NPHP4: variants seen among roughly 807,000 people sequenced by gnomAD.
The protein encoded by NPHP4 is nephrocystin-4.
NPHP4 carries 151 observed loss-of-function variants against 155.8 expected under a neutral mutation model. That is an observed-to-expected ratio of 0.97 (90% CI 0.85 to 1.11). The LOEUF (loss-of-function observed/expected upper bound fraction) is 1.11, where lower values mean the gene tolerates loss of function less well. Among genes scored for constraint, NPHP4 ranks in the 50% least tolerant of loss-of-function variants. The pLI is 0.00. For missense variants in NPHP4, 1,956 were observed against 1,925.7 expected, an observed-to-expected ratio of 1.02 and a Z score of -0.29; for synonymous variants, 845 against 816.8, an observed-to-expected ratio of 1.03 and a Z score of -0.59.
rs115954251 is a variant in NPHP4 at position 5,914,890 on chromosome 1, C to T, written c.1442-5677G>A. Among the ~76,000 whole-genome samples the T allele has an allele frequency of 3.1e-3, 473 of 152,286 alleles. 1 individual carries two copies. The highest frequency in any genetic ancestry group is 0.011 in the African/African-American group (456 of 41,560). On this transcript the variant is annotated intron_variant, in intron 11 of 29. Transcript: ENST00000378156. ...CCCACAGCACCAGTCCCCTGTGGCC[C>T]GACTGCCCCAGCAGGTGCCAGGTAG...
intron 7 of NPHP4, 23 bp downstream of exon 7, chr1:5,952,677 C>T (rs1244715383): frequency 6.5e-7 from 1 of 1,538,450 alleles, no homozygotes; most frequent in Admixed American, 2.0e-5. Flanking sequence ...ACCCTGCCCC[C>T]CATCACGCTT....
chr1:5,937,188 T>C (rs963032792), intron 9 of NPHP4, among the ~76,000 whole-genome samples: 1 of 151,884 alleles, frequency 6.6e-6, no homozygotes, highest in Non-Finnish European at 1.5e-5. Flanking sequence ...GGATCTCGGC[T>C]CTGTCACACC....
chr1:5,967,977 C>T (rs1359899893), intron 4 of NPHP4, among the ~76,000 whole-genome samples: 1 of 152,072 alleles, frequency 6.6e-6, no homozygotes, highest in Admixed American at 6.6e-5. Flanking sequence ...CCAGCCTATC[C>T]ACCCGTATGC....
intron 9 of NPHP4, among the ~76,000 whole-genome samples, chr1:5,937,337 G>A (rs1432614630): frequency 6.6e-6 from 1 of 152,226 alleles, no homozygotes; most frequent in Non-Finnish European, 1.5e-5. Flanking sequence ...ACACATTTCC[G>A]CTGCTTTGAG....
intron 11 of NPHP4, among the ~76,000 whole-genome samples, chr1:5,921,474 TC>T (rs1645737824): frequency 6.6e-6 from 1 of 152,248 alleles, no homozygotes; most frequent in Non-Finnish European, 1.5e-5. Flanking sequence ...TTTATCCACA[TC>T]CTCAGGAACT....
At chr1:5,879,364 A>C (rs1642969432) in intron 19 of NPHP4, 1 of 357,284 alleles carries the variant, frequency 2.8e-6, no homozygotes. Context: ...GGGATAGAAA[A>C]ACTTCAGAGC....
intron 16 of NPHP4, among the ~76,000 whole-genome samples, chr1:5,902,972 G>A (rs1359218300): frequency 5.9e-5 from 9 of 152,170 alleles, no homozygotes; most frequent in Non-Finnish European, 8.8e-5. Context: ...ATTTGATACC[G>A]ATTCTCTCAG....
intron 19 of NPHP4, among the ~76,000 whole-genome samples, chr1:5,879,849 GCA>G (rs1443361977): frequency 6.1e-5 from 8 of 131,448 alleles, no homozygotes; most frequent in South Asian, 2.4e-4. Context: ...ACACAGACAC[GCA>G]CACAGACACG....
intron 7 of NPHP4, among the ~76,000 whole-genome samples, chr1:5,949,339 T>TACACACACAC (rs1411189925): frequency 7.2e-4 from 12 of 16,760 alleles, no homozygotes; most frequent in Admixed American, 8.6e-4. Context: ...CTCATTCACA[T>TACACACACAC]ACATACACAC....
rs1272293705 is a variant in NPHP4, at chr1:5,944,984, A to G, written c.1119+2120T>C. Among the ~76,000 whole-genome samples the G allele has an allele frequency of 2.0e-5, 3 of 152,214 alleles. No individual in the cohort carries two copies. Among genetic ancestry groups the G allele is most frequent in the African/African-American group, 7.2e-5 (3 of 41,456 alleles). ...TCGAAAAGAGAAGAGAAGAGAAATC[A>G]GTGACTCCATAGCCTCACCCGCACC... On this transcript the variant is annotated intron_variant, in intron 9 of 29. Coordinates refer to ENST00000378156, the MANE Select transcript of NPHP4 (RefSeq NM_015102.5). The surrounding 1 kb of genome is among the most constrained non-coding windows in gnomAD (Gnocchi z 4.3).
chr1:5,901,991 C>T (rs1012421750), intron 16 of NPHP4, among the ~76,000 whole-genome samples: 4 of 152,166 alleles, frequency 2.6e-5, no homozygotes, highest in Non-Finnish European at 5.9e-5. Flanking sequence ...TGGCCATAAA[C>T]GTAATGATGA....
intron 29 of NPHP4, 49 bp from the exon 30 acceptor site, chr1:5,863,454 G>A (rs765852281): frequency 6.9e-6 from 11 of 1,594,320 alleles, no homozygotes; most frequent in Admixed American, 3.4e-5. Context: ...GCTGTCCCAC[G>A]CTCTCACCAG....
At position 5,887,486 on chromosome 1, in the gene NPHP4, G is replaced by T. The variant is rs373131898; in HGVS notation, c.2305-20C>A. On this transcript the variant is annotated intron_variant, in intron 17 of 29. Coordinates refer to ENST00000378156, the MANE Select transcript of NPHP4 (RefSeq NM_015102.5). Reference sequence around the variant, plus strand: ...GAGATGCTGCAGAAGAGAAAAGCGCGTTCAGAGGCTGGAGCCGGCCCTGGG... The same window carrying T: ...GAGATGCTGCAGAAGAGAAAAGCGCTTTCAGAGGCTGGAGCCGGCCCTGGG... 6.2e-7 allele frequency: 1 copy of T among 1,611,106 alleles called. No homozygotes were observed. Among genetic ancestry groups the T allele is most frequent in the Non-Finnish European group, 8.5e-7 (1 of 1,179,442 alleles).
At position 5,874,891 on chromosome 1, in the gene NPHP4, G is replaced by A. The variant is rs762202268; in HGVS notation, c.3027C>T (p.Ile1009=). 2.1e-5 allele frequency: 34 copies of A among 1,613,618 alleles called. No homozygotes were observed. Among genetic ancestry groups the A allele is most frequent in the South Asian group, 5.5e-5 (5 of 91,068 alleles). Reference sequence around the variant, plus strand: ...GACCTCACCTGAGCTCGGGGTTGTCGATCTCCACAGTCACCGTGTGCTGTG... The same window carrying A: ...GACCTCACCTGAGCTCGGGGTTGTCAATCTCCACAGTCACCGTGTGCTGTG... ...HNTQHTVTVE[I]DNPELSVIVD... is the part of the protein sequence containing the mutation. The change falls in exon 21 of 30, where the codon ATC becomes ATT. Residue 1009 remains isoleucine, a synonymous_variant. Transcript: ENST00000378156.
intron 1 of NPHP4, among the ~76,000 whole-genome samples, chr1:5,989,286 A>C (rs1278444061): frequency 6.6e-6 from 1 of 152,186 alleles, no homozygotes; most frequent in African/African-American, 2.4e-5. Flanking sequence ...ACTTTTAAGC[A>C]ACCAAGTCTG....
At chr1:5,974,712 C>A (rs1006803186) in intron 3 of NPHP4, among the ~76,000 whole-genome samples, 2 of 149,956 alleles carry the variant, frequency 1.3e-5, no homozygotes, top group African/African-American at 4.9e-5. Context: ...CCACCCAGCT[C>A]TGGATCAAGA....
rs768268989 is a variant in NPHP4 at position 5,961,828 on chromosome 1, C to T, written c.639G>A (p.Gln213=). The T allele has an allele frequency of 2.5e-6, 4 of 1,613,356 alleles. No individual in the cohort carries two copies. Among genetic ancestry groups the T allele is most frequent in the Non-Finnish European group, 3.4e-6 (4 of 1,179,592 alleles). ...PENLLVSGLQ[Q]IPGLLPAHGE... ...CATGAGCTGGAAGCAGGCCAGGTAT[C>T]TGCTGCAGACCAGACACCAGAAGGT... Residue 213 remains glutamine (Q), a synonymous_variant, in exon 6 of 30, where the codon CAG becomes CAA. Transcript: ENST00000378156.
intron 18 of NPHP4, among the ~76,000 whole-genome samples, chr1:5,885,689 G>A (rs1056881930): frequency 5.3e-5 from 8 of 152,350 alleles, no homozygotes; most frequent in South Asian, 4.1e-4. Context: ...AATCCAGGCC[G>A]AGGCCGAGGC....
chr1:5,944,459 A>G lies in NPHP4; in HGVS notation c.1119+2645T>C, dbSNP rs959728276. The stretch of plus-strand genomic sequence containing the variant: ...AGCCACCGTCACAGACGGCCCCGCC[A>G]TTGTGCCTTTCTCCTCTCACGTCCC... On this transcript the variant is annotated intron_variant, in intron 9 of 29. Transcript: ENST00000378156. This position sits in a 1 kb window ranked among gnomAD's most constrained non-coding sequence, Gnocchi z 4.3. Among the ~76,000 whole-genome samples the G allele has an allele frequency of 6.6e-5, 10 of 152,194 alleles. No individual in the cohort carries two copies. The highest frequency in any genetic ancestry group is 5.8e-4 in the East Asian group (3 of 5,190).
Sources: gnomAD v4.1 joint callset for allele counts (sites outside exome capture counted in the v4.1 genomes callset) on GRCh38, gnomAD v4.1.1 for gene constraint, Gnocchi (gnomAD v3.1) non-coding constraint, MANE v1.5 for transcripts, NCBI Gene and HGNC (gene_info 2026-07-23, HGNC 2026-07-21) for gene names.